COL17A1: variants seen among roughly 807,000 people sequenced by gnomAD.
COL17A1 encodes collagen type XVII alpha 1 chain.
COL17A1 carries 181 observed loss-of-function variants against 218.4 expected under a neutral mutation model. The observed-to-expected ratio is 0.83, with a 90% confidence interval of 0.73 to 0.94. COL17A1 has a LOEUF of 0.94. COL17A1 is among the 40% of genes least tolerant of loss of function. The probability of loss-of-function intolerance (pLI) is 0.00; values close to 1 mark genes in which losing one functional copy is unlikely to be tolerated. For synonymous variants in COL17A1, 721 were observed against 731.0 expected, an observed-to-expected ratio of 0.99 and a Z score of 0.22; for missense variants, 1,924 against 1,945.9, an observed-to-expected ratio of 0.99 and a Z score of 0.21.
rs985139863 is a variant in COL17A1, at chr10:104,071,951, C to T, written c.463+81G>A. 121 of 1,570,578 alleles carry T rather than the reference C, an allele frequency of 7.7e-5. No homozygotes were observed. The Middle Eastern group carries it at 1.3e-3, about 17-fold the overall frequency. On this transcript the variant is annotated intron_variant, in intron 8 of 55. Coordinates refer to ENST00000648076, the MANE Select transcript of COL17A1 (RefSeq NM_000494.4). ...GTGTGTGCATGCATGCACACACACA[C>T]GCATGCACACACACACACACACACA...
intron 12 of COL17A1, among the ~76,000 whole-genome samples, chr10:104,061,712 C>G (rs1292585809): frequency 6.6e-6 from 1 of 152,198 alleles, no homozygotes; most frequent in Non-Finnish European, 1.5e-5. Context: ...GCATCTCCTT[C>G]TCTCCTGAAC....
intron 20 of COL17A1, among the ~76,000 whole-genome samples, chr10:104,054,450 G>A (rs2134614021): frequency 6.6e-6 from 1 of 152,240 alleles, no homozygotes; most frequent in African/African-American, 2.4e-5. Flanking sequence ...GTGCGGGCTG[G>A]AGACTTGGGG....
At chr10:104,061,230 G>A (rs2086579493) in intron 13 of COL17A1, among the ~76,000 whole-genome samples, 175 bp downstream of exon 13, 1 of 152,144 alleles carries the variant, frequency 6.6e-6, no homozygotes, top group African/African-American at 2.4e-5. Context: ...TTCACTCATG[G>A]AAACATCCAA....
Position 104,035,357 on chromosome 10 carries a change from G to C in COL17A1, c.3525C>G (p.Gly1175=). The change falls in exon 50 of 56, where the codon GGC becomes GGG. Residue 1175 remains glycine, a synonymous_variant. Transcript: ENST00000648076. Reference sequence around the variant, plus strand: ...CCGGGGGACCTGGGGGTCCAACGATGCCTCTGAATTCAGACCCTGAGACAC... The same window carrying C: ...CCGGGGGACCTGGGGGTCCAACGATCCCTCTGAATTCAGACCCTGAGACAC... ...LSLLRGSEFR[G]IVGPPGPPGP... is the part of the protein sequence containing the mutation. 3 of 1,614,194 alleles carry C rather than the reference G, an allele frequency of 1.9e-6. No individual in the cohort carries two copies. The highest frequency in any genetic ancestry group is 2.2e-5 in the South Asian group (2 of 91,086).
intron 13 of COL17A1, 139 bp downstream of exon 13, chr10:104,061,266 G>C: frequency 1.3e-6 from 1 of 781,650 alleles, no homozygotes; most frequent in Non-Finnish European, 2.0e-6. Flanking sequence ...AGTTGCGTTT[G>C]CAGGCCTAAG....
chr10:104,079,598 G>A (rs80224736), intron 2 of COL17A1, among the ~76,000 whole-genome samples: 175 of 152,276 alleles, frequency 1.1e-3, no homozygotes, highest in African/African-American at 3.5e-3. Flanking sequence ...AAGAAGATGC[G>A]GTTATGGACA....
rs1392263158 is a variant in COL17A1 at position 104,053,090 on chromosome 10, C to T, written c.1880G>A (p.Gly627Asp). ...TGCCTCACCACGAGGTCCCATGGGG[C>T]CTTCTCGCCCTCTCTGGCCCATGGG... ...EGPMGQRGRE[G>D]PMGPRGEAGP... is the part of the protein sequence containing the mutation. Residue 627 changes from glycine (G) to aspartate (D), a missense_variant, in exon 23 of 56, where the codon GGC (glycine) becomes GAC (aspartate). Physicochemically the swap from Gly to Asp is moderately conservative, Grantham distance 94. Coordinates refer to ENST00000648076, the MANE Select transcript of COL17A1 (RefSeq NM_000494.4). 6.2e-7 allele frequency: 1 copy of T among 1,613,956 alleles called. No individual in the cohort carries two copies. The highest frequency in any genetic ancestry group is 1.1e-5 in the South Asian group (1 of 91,090).
chr10:104,071,799 A>G (rs1469817967), intron 8 of COL17A1, among the ~76,000 whole-genome samples: 1 of 152,118 alleles, frequency 6.6e-6, no homozygotes, highest in African/African-American at 2.4e-5. Context: ...TCTCCCTATT[A>G]GTCTGTGAAC....
intron 45 of COL17A1, among the ~76,000 whole-genome samples, chr10:104,038,152 G>A (rs2086319573): frequency 6.6e-6 from 1 of 152,120 alleles, no homozygotes; most frequent in Non-Finnish European, 1.5e-5. Context: ...GCTATGAGAA[G>A]GCTGGTGTTG....
At chr10:104,039,682 C>T in intron 41 of COL17A1, 42 bp from the exon 42 acceptor site, 1 of 1,613,848 alleles carries the variant, frequency 6.2e-7, no homozygotes. Flanking sequence ...CCTCACTTTT[C>T]TCACCCACTA....
At chr10:104,032,522 T>G in intron 55 of COL17A1, 152 bp downstream of exon 55, 1 of 882,392 alleles carries the variant, frequency 1.1e-6, no homozygotes, top group South Asian at 1.4e-5. Context: ...GGGATTGTTA[T>G]GCAAATTCTG....
At chr10:104,048,211 C>A in intron 29 of COL17A1, 107 bp from the exon 30 acceptor site, 2 of 1,216,388 alleles carry the variant, frequency 1.6e-6, no homozygotes, top group Middle Eastern at 3.8e-4. Context: ...CAGGAGCCCA[C>A]GCAGCCATCA....
intron 43 of COL17A1, 97 bp from the exon 44 acceptor site, chr10:104,039,218 C>T (rs1418412182): frequency 7.7e-7 from 1 of 1,301,998 alleles, no homozygotes; most frequent in Non-Finnish European, 1.1e-6. Context: ...AACAATCGTC[C>T]CATGTCTCTT....
At position 104,036,625 on chromosome 10, in the gene COL17A1, G is replaced by T; in HGVS notation, c.3285C>A (p.Asp1095Glu). The T allele has an allele frequency of 6.2e-7, 1 of 1,613,782 alleles. No homozygotes were observed. Among genetic ancestry groups the T allele is most frequent in the Non-Finnish European group, 8.5e-7 (1 of 1,179,896 alleles). Residue 1095 changes from aspartate to glutamate, a missense_variant, in exon 48 of 56, where the codon GAC becomes GAA. Physicochemically the swap from Asp to Glu is conservative, Grantham distance 45. Transcript: ENST00000648076. ...EDILAVLQRD[D>E]VRQYLRQYLM... is the part of the protein sequence containing the mutation. ...AGTACTGACGTAGGTACTGACGCAC[G>T]TCATCCCCTGGAGAGGAGAGGATGC...
At chr10:104,056,920 G>T (rs1564679831) in intron 17 of COL17A1, 55 bp downstream of exon 17, 1 of 1,549,374 alleles carries the variant, frequency 6.5e-7, no homozygotes, top group Non-Finnish European at 8.7e-7. Flanking sequence ...CTGACAGGCA[G>T]TGGGGCTGGC....
chr10:104,061,574 T>C, intron 12 of COL17A1, 101 bp from the exon 13 acceptor site: 1 of 925,866 alleles, frequency 1.1e-6, no homozygotes, highest in South Asian at 1.4e-5. Context: ...CCCTCTCCAG[T>C]GAGAAGCAGA....
intron 31 of COL17A1, 77 bp downstream of exon 31, chr10:104,047,662 C>T: frequency 8.2e-7 from 1 of 1,224,572 alleles, no homozygotes; most frequent in Middle Eastern, 1.9e-4. Flanking sequence ...TGCACACGCA[C>T]ACACATGCCT....
chr10:104,062,180 G>T (rs2086588523), intron 12 of COL17A1, 78 bp downstream of exon 12: 4 of 1,606,574 alleles, frequency 2.5e-6, no homozygotes, highest in Middle Eastern at 1.6e-4. Context: ...GGACATTTTG[G>T]GTCTCCTAAT....
In COL17A1 at chr10:104,061,334, A is replaced by G; in HGVS notation, c.979+71T>C. On this transcript the variant is annotated intron_variant, in intron 13 of 55. Transcript: ENST00000648076. ...TACCATGTGTATTGGAAGGATACAC[A>G]GGCAGGATTACTGCAGAGTAATCCT... 2.1e-6 allele frequency: 3 copies of G among 1,436,030 alleles called. No individual in the cohort carries two copies. The South Asian group carries it at 3.5e-5, about 17-fold the overall frequency. The allele number at this position is 1,436,030 out of a possible 1,614,324, so 89.0% of individuals were successfully genotyped here.
Sources: gnomAD v4.1 joint callset for allele counts (sites outside exome capture counted in the v4.1 genomes callset) on GRCh38, gnomAD v4.1.1 for gene constraint, MANE v1.5 for transcripts, NCBI Gene and HGNC (gene_info 2026-07-23, HGNC 2026-07-21) for gene names.